Variants in DNAH7 observed in about 807,000 individuals in gnomAD.
The protein encoded by DNAH7 is axonemal beta dynein heavy chain 7.
Under a neutral mutation model 444.6 loss-of-function variants are expected in DNAH7, and 397 were observed. The ratio of observed to expected loss-of-function variants is 0.89; its 90% CI spans 0.82 to 0.97. DNAH7 has a LOEUF of 0.97. Among genes scored for constraint, DNAH7 ranks in the 50% least tolerant of loss-of-function variants. The probability of loss-of-function intolerance (pLI) is 0.00; values close to 1 mark genes in which losing one functional copy is unlikely to be tolerated. For synonymous variants in DNAH7, 1,636 were observed against 1,624.4 expected, an observed-to-expected ratio of 1.01 and a Z score of -0.17; for missense variants, 4,902 against 4,800.8, an observed-to-expected ratio of 1.02 and a Z score of -0.62.
rs751922728 is a variant in DNAH7 at position 195,957,433 on chromosome 2, T to C, written c.2906A>G (p.Lys969Arg). 3 of 1,560,400 alleles carry C rather than the reference T, an allele frequency of 1.9e-6. No homozygotes were observed. Among genetic ancestry groups the C allele is most frequent in the Non-Finnish European group, 2.6e-6 (3 of 1,143,898 alleles). ...CAGAATCTCCTGAAGCAGTAGGAGC[T>C]TGCCCTCCCATTCTCTGAGGAGCAA... is the stretch of plus-strand genomic sequence containing the variant. Reference protein sequence around the residue: ...YEKQMREWEGKLLLLQEILDE... With the variant: ...YEKQMREWEGRLLLLQEILDE... Residue 969 changes from lysine to arginine, a missense_variant, in exon 19 of 65, where the codon AAG (lysine) becomes AGG (arginine). Coordinates refer to ENST00000312428, the MANE Select transcript of DNAH7 (RefSeq NM_018897.3).
intron 12 of DNAH7, among the ~76,000 whole-genome samples, chr2:195,997,163 T>C (rs1693746220): frequency 6.6e-6 from 1 of 152,176 alleles, no homozygotes; most frequent in South Asian, 2.1e-4. Context: ...GTAAAGCCTA[T>C]AGGTTTACCT....
chr2:195,862,901 T>G (rs1700105391), intron 41 of DNAH7, among the ~76,000 whole-genome samples: 1 of 152,014 alleles, frequency 6.6e-6, no homozygotes, highest in Admixed American at 6.6e-5. Context: ...CCAGGAATGG[T>G]GGTGGGTGCC....
At chr2:195,792,391 A>AT (rs1394920877) in intron 57 of DNAH7, among the ~76,000 whole-genome samples, 5 of 124,372 alleles carry the variant, frequency 4.0e-5, no homozygotes, top group African/African-American at 1.3e-4. Flanking sequence ...AAAAACCAAA[A>AT]AATACACACA....
At chr2:195,970,153 A>C (rs1042548547) in intron 16 of DNAH7, 59 bp from the exon 17 acceptor site, 19 of 1,494,358 alleles carry the variant, frequency 1.3e-5, no homozygotes, top group Non-Finnish European at 1.7e-5. Flanking sequence ...GCTGTCAAAA[A>C]ATTTTAACAT....
At chr2:195,828,618 T>A (rs1298758340) in intron 48 of DNAH7, among the ~76,000 whole-genome samples, 16 of 148,298 alleles carry the variant, frequency 1.1e-4, no homozygotes, top group East Asian at 2.0e-4. Flanking sequence ...ATATTTTTTT[T>A]TTTTTTTTCT....
chr2:195,906,514 C>A, intron 27 of DNAH7, 145 bp downstream of exon 27: 14 of 334,280 alleles, frequency 4.2e-5, no homozygotes, highest in Non-Finnish European at 5.2e-5. Context: ...TGGTCTCAAA[C>A]ACCTGAGTTC....
At chr2:195,759,353 C>T (rs1325642315) in intron 61 of DNAH7, among the ~76,000 whole-genome samples, 1 of 152,166 alleles carries the variant, frequency 6.6e-6, no homozygotes, top group Non-Finnish European at 1.5e-5. Flanking sequence ...TCATCACCTG[C>T]TGACTAAGGA....
At chr2:195,809,688 A>C in intron 52 of DNAH7, 57 bp downstream of exon 52, 2 of 1,410,938 alleles carry the variant, frequency 1.4e-6, no homozygotes, top group Non-Finnish European at 1.9e-6. Flanking sequence ...CAAATTAATA[A>C]ATTAATGAAT....
rs1221760895 is a variant in DNAH7 at position 195,783,767 on chromosome 2, TC to T, written c.10878+3242del. Among the ~76,000 whole-genome samples, 6 of 152,268 alleles carry T rather than the reference TC, an allele frequency of 3.9e-5. No individual in the cohort carries two copies. In the East Asian group the frequency reaches 1.2e-3, roughly 29 times the overall value. Reference sequence around the variant, plus strand: ...CAGCTAAGTCTCTCTAAATCCACTCTCCATTCTGTTGTAAGAGTGATCTTCC... The same window carrying T: ...CAGCTAAGTCTCTCTAAATCCACTCTCATTCTGTTGTAAGAGTGATCTTCC... On this transcript the variant is annotated intron_variant, in intron 58 of 64. Coordinates refer to ENST00000312428, the MANE Select transcript of DNAH7 (RefSeq NM_018897.3).
chr2:195,967,179 A>G (rs1691537955), intron 17 of DNAH7, among the ~76,000 whole-genome samples: 2 of 152,194 alleles, frequency 1.3e-5, no homozygotes, highest in African/African-American at 4.8e-5. Context: ...CTTATAACCC[A>G]TGATTTTAAA....
intron 19 of DNAH7, 107 bp from the exon 20 acceptor site, chr2:195,936,899 G>A: frequency 1.0e-6 from 1 of 990,072 alleles, no homozygotes; most frequent in Non-Finnish European, 1.4e-6. Context: ...CAAAGGTTAT[G>A]TAAATTTTAA....
At chr2:195,792,842 T>C (rs10210042) in intron 57 of DNAH7, among the ~76,000 whole-genome samples, 106,232 of 151,748 alleles carry the variant, frequency 0.7, 37,249 homozygotes, top group Non-Finnish European at 0.73. Context: ...AGAGAGGAAA[T>C]ACAAATAATA....
intron 5 of DNAH7, among the ~76,000 whole-genome samples, chr2:196,037,392 A>G (rs748682431): frequency 5.9e-5 from 9 of 152,208 alleles, no homozygotes; most frequent in Non-Finnish European, 1.2e-4. Flanking sequence ...TTCTCTACCA[A>G]CAAGCCCCAA....
At chr2:195,992,703 A>G (rs1214366422) in intron 12 of DNAH7, among the ~76,000 whole-genome samples, 2 of 152,210 alleles carry the variant, frequency 1.3e-5, no homozygotes, top group Non-Finnish European at 2.9e-5. Flanking sequence ...GATTGAAGGT[A>G]CTATGCCATA....
chr2:195,773,204 A>T (rs901021648), intron 60 of DNAH7, among the ~76,000 whole-genome samples: 1 of 152,210 alleles, frequency 6.6e-6, no homozygotes, highest in Admixed American at 6.5e-5. Flanking sequence ...ATGCTCGTAT[A>T]ATAATCCTTT....
chr2:195,816,770 C>T lies in DNAH7; in HGVS notation c.9619G>A (p.Ala3207Thr). ...DTTRMGYRPI[A>T]IHSSILFFSL... is the part of the protein sequence containing the mutation. The stretch of plus-strand genomic sequence containing the variant: ...AAAAATAGGATGGAAGAATGGATGG[C>T]AATAGGACGATAGCCCATGCGGGTG... The change falls in exon 51 of 65, where the codon GCC becomes ACC. Residue 3207 changes from alanine (A) to threonine (T), a missense_variant. Physicochemically the swap from Ala to Thr is moderately conservative, Grantham distance 58. Coordinates refer to ENST00000312428, the MANE Select transcript of DNAH7 (RefSeq NM_018897.3). 1 of 1,614,140 alleles carries T rather than the reference C, an allele frequency of 6.2e-7. No homozygotes were observed. The highest frequency in any genetic ancestry group is 8.5e-7 in the Non-Finnish European group (1 of 1,180,012).
rs760245921 is a variant in DNAH7, at chr2:195,845,177, C to A, written c.8782-12G>T. On this transcript the variant is annotated splice_polypyrimidine_tract_variant and intron_variant, in intron 46 of 64. Coordinates refer to ENST00000312428, the MANE Select transcript of DNAH7 (RefSeq NM_018897.3). ...TCTTTAGTTTGATTCTTTAGAACAT[C>A]CACAGAAAGATAAAGAAATGAGACT... is the stretch of plus-strand genomic sequence containing the variant. 3.8e-6 allele frequency: 6 copies of A among 1,595,238 alleles called. No individual in the cohort carries two copies. The highest frequency in any genetic ancestry group is 4.3e-6 in the Non-Finnish European group (5 of 1,171,354).
intron 47 of DNAH7, among the ~76,000 whole-genome samples, chr2:195,844,657 A>C (rs1471427098): frequency 6.6e-6 from 1 of 152,220 alleles, no homozygotes; most frequent in Non-Finnish European, 1.5e-5. Context: ...CACCAATGAC[A>C]CACTAATGCA....
At chr2:195,922,445 G>T (rs1452372289) in intron 23 of DNAH7, among the ~76,000 whole-genome samples, 1 of 151,882 alleles carries the variant, frequency 6.6e-6, no homozygotes, top group Non-Finnish European at 1.5e-5. Flanking sequence ...TAATCATTTT[G>T]TGTTAACAAT....
Sources: gnomAD v4.1 joint callset for allele counts (sites outside exome capture counted in the v4.1 genomes callset) on GRCh38, gnomAD v4.1.1 for gene constraint, MANE v1.5 for transcripts, NCBI Gene and HGNC (gene_info 2026-07-23, HGNC 2026-07-21) for gene names.